ABTB3: variants seen among roughly 807,000 people sequenced by gnomAD.
ABTB3 encodes ankyrin repeat- and BTB/POZ domain-containing protein 3.
chr12:107,348,683 C>T, the ABTB3 span, among the ~76,000 whole-genome samples: 1 of 152,146 alleles, frequency 6.6e-6, no homozygotes, highest in East Asian at 1.9e-4. Context: ...CTTGATTGTG[C>T]CACTGCACTC....
chr12:107,554,812 A>G, the ABTB3 span, among the ~76,000 whole-genome samples: 3 of 152,280 alleles, frequency 2.0e-5, no homozygotes, highest in Non-Finnish European at 4.4e-5. Flanking sequence ...TTTTTTGTGC[A>G]TGTGTCTTAT....
chr12:107,566,768 T>C, the ABTB3 span, among the ~76,000 whole-genome samples: 1 of 152,100 alleles, frequency 6.6e-6, no homozygotes, highest in Non-Finnish European at 1.5e-5. Context: ...CTTAGGCCTT[T>C]TCTGGAGATC....
the ABTB3 span, among the ~76,000 whole-genome samples, chr12:107,624,619 T>C: frequency 3.3e-5 from 5 of 152,228 alleles, no homozygotes; most frequent in East Asian, 9.6e-4. Flanking sequence ...TTGGCAGTCA[T>C]CATAATTCTC....
At chr12:107,654,601 A>G in the ABTB3 span, among the ~76,000 whole-genome samples, 1 of 152,076 alleles carries the variant, frequency 6.6e-6, no homozygotes, top group Non-Finnish European at 1.5e-5. Context: ...GCCTGGCCTC[A>G]AATTCCTGCT....
At chr12:107,472,347 G>T in the ABTB3 span, among the ~76,000 whole-genome samples, 1 of 152,154 alleles carries the variant, frequency 6.6e-6, no homozygotes, top group Non-Finnish European at 1.5e-5. Flanking sequence ...CCGGGGAAGG[G>T]ATAGAGCAAA....
At chr12:107,480,865 C>A in the ABTB3 span, among the ~76,000 whole-genome samples, 4 of 152,216 alleles carry the variant, frequency 2.6e-5, no homozygotes, top group Non-Finnish European at 4.4e-5. Flanking sequence ...TCTGCAGGAA[C>A]ACTGCCTGCA....
At chr12:107,319,917 C>G in the ABTB3 span, 4 of 1,465,134 alleles carry the variant, frequency 2.7e-6, no homozygotes, top group Non-Finnish European at 3.6e-6. Context: ...GCAGTCCCGC[C>G]GGCAGCCGCC....
At chr12:107,451,789 T>G in the ABTB3 span, among the ~76,000 whole-genome samples, 2 of 152,216 alleles carry the variant, frequency 1.3e-5, no homozygotes, top group African/African-American at 4.8e-5. Flanking sequence ...AACTCCCGTT[T>G]GCCCTTTGAG....
At chr12:107,617,733 G>GT in the ABTB3 span, 1 of 406,718 alleles carries the variant, frequency 2.5e-6, no homozygotes, top group Non-Finnish European at 4.4e-6. Flanking sequence ...CTGTCATGAA[G>GT]TAAGAAAAAT....
At chr12:107,394,971 C>T in the ABTB3 span, among the ~76,000 whole-genome samples, 1 of 152,192 alleles carries the variant, frequency 6.6e-6, no homozygotes, top group African/African-American at 2.4e-5. Flanking sequence ...TTGTGTTTTT[C>T]TCCCTCTCTT....
chr12:107,554,162 C>T, the ABTB3 span, among the ~76,000 whole-genome samples: 3 of 152,282 alleles, frequency 2.0e-5, no homozygotes, highest in African/African-American at 4.8e-5. Context: ...TAGGTTATGT[C>T]TCACCTGCAG....
the ABTB3 span, among the ~76,000 whole-genome samples, chr12:107,584,671 C>G: frequency 6.6e-6 from 1 of 152,034 alleles, no homozygotes; most frequent in Non-Finnish European, 1.5e-5. Context: ...ACCAGCTGGC[C>G]GAGGGTTCCT....
the ABTB3 span, chr12:107,617,074 G>A: frequency 2.2e-4 from 349 of 1,613,086 alleles, no homozygotes; most frequent in African/African-American, 8.9e-4. Flanking sequence ...CTCAATGGCC[G>A]CTCTTCCTCT....
At chr12:107,638,838 C>G in the ABTB3 span, among the ~76,000 whole-genome samples, 4 of 152,144 alleles carry the variant, frequency 2.6e-5, no homozygotes, top group Admixed American at 2.0e-4. Context: ...AATAACTTGC[C>G]AAGGTTACAG....
chr12:107,396,131 C>A, the ABTB3 span, among the ~76,000 whole-genome samples: 1 of 152,242 alleles, frequency 6.6e-6, no homozygotes, highest in Admixed American at 6.5e-5. Flanking sequence ...TTGCCTAGCC[C>A]TTGTATTTCA....
the ABTB3 span, among the ~76,000 whole-genome samples, chr12:107,342,810 C>T: frequency 8.5e-5 from 13 of 152,120 alleles, no homozygotes; most frequent in East Asian, 3.9e-4. Flanking sequence ...TCAAGCCCTA[C>T]GTATTTCTTG....
the ABTB3 span, among the ~76,000 whole-genome samples, chr12:107,427,467 A>G: frequency 6.6e-6 from 1 of 151,950 alleles, no homozygotes; most frequent in African/African-American, 2.4e-5. Flanking sequence ...TTTTGTAGAC[A>G]TGGGGTCTTG....
At chr12:107,348,550 C>T in the ABTB3 span, among the ~76,000 whole-genome samples, 4 of 152,250 alleles carry the variant, frequency 2.6e-5, no homozygotes, top group Admixed American at 1.3e-4. Flanking sequence ...TAGTGAGACC[C>T]TATCTCTACA....
chr12:107,580,572 ACCT>A, the ABTB3 span: 1 of 186,010 alleles, frequency 5.4e-6, no homozygotes, highest in Non-Finnish European at 1.1e-5. Flanking sequence ...CTGCCGGTTA[ACCT>A]GGCTCTCTTT....
Sources: gnomAD v4.1 joint callset for allele counts (sites outside exome capture counted in the v4.1 genomes callset) on GRCh38, gnomAD v4.1.1 for gene constraint, MANE v1.5 for transcripts, NCBI Gene and HGNC (gene_info 2026-07-23, HGNC 2026-07-21) for gene names.